CYP26A1: variants seen among roughly 807,000 people sequenced by gnomAD.
The protein encoded by CYP26A1 is cytochrome P450 26A1.
CYP26A1 carries 46 observed loss-of-function variants against 47.4 expected under a neutral mutation model. That is an observed-to-expected ratio of 0.97 (90% CI 0.77 to 1.24). The LOEUF is 1.24. Ranked by LOEUF, CYP26A1 falls within the 50% of genes most tolerant of loss-of-function variation. CYP26A1 has a pLI of 0.00. For missense variants in CYP26A1, 680 were observed against 644.4 expected, an observed-to-expected ratio of 1.06 and a Z score of -0.60; for synonymous variants, 277 against 263.7, an observed-to-expected ratio of 1.05 and a Z score of -0.49.
intron 5 of CYP26A1, 24 bp from the exon 6 acceptor site, chr10:93,076,519 CA>C (rs1227399366): frequency 6.4e-7 from 1 of 1,552,158 alleles, no homozygotes; most frequent in African/African-American, 1.4e-5. Context: ...AATAACTGTT[CA>C]CCTCTGTATG....
In CYP26A1 at chr10:93,077,778, G is replaced by C. The variant is rs1282957863; in HGVS notation, c.*474G>C. ...TAATTTAATTTTTTTTTGGTTTGCT[G>C]TACTTTAGGGAAAGATGAACCTGAA... On this transcript the variant is annotated 3_prime_UTR_variant, in exon 7 of 7. Transcript: ENST00000224356. 2 of 152,142 alleles carry C rather than the reference G, an allele frequency of 1.3e-5. No homozygotes were observed. The highest frequency in any genetic ancestry group is 3.9e-4 in the East Asian group (2 of 5,184). The allele number at this position is 152,142 out of a possible 1,614,324, so 9.4% of individuals were successfully genotyped here. A position where few individuals can be genotyped will look rare whatever the true frequency, so the allele number is the denominator to read the frequency against.
Position 93,077,019 on chromosome 10 carries a change from T to A in CYP26A1, c.1209T>A (p.Asp403Glu). 16 of 1,613,790 alleles carry A rather than the reference T, an allele frequency of 9.9e-6. No homozygotes were observed. Among genetic ancestry groups the A allele is most frequent in the Non-Finnish European group, 1.4e-5 (16 of 1,179,736 alleles). Reference protein sequence around the residue: ...NVIYSICDTHDVAEIFTNKEE... With the variant: ...NVIYSICDTHEVAEIFTNKEE... ...TCTACAGTATCTGTGATACTCATGA[T>A]GTGGCAGAGATCTTCACCAACAAGG... Residue 403 changes from aspartate (D) to glutamate (E), a missense_variant, in exon 7 of 7, where the codon GAT (aspartate) becomes GAA (glutamate). By Grantham distance (45) the Asp-to-Glu change is conservative. Transcript: ENST00000224356.
intron 5 of CYP26A1, chr10:93,076,298 G>C: frequency 2.2e-6 from 1 of 464,842 alleles, no homozygotes; most frequent in Non-Finnish European, 3.8e-6. Flanking sequence ...GTGGTGGTGA[G>C]TGTGGGGTGG....
In CYP26A1 at chr10:93,074,415, C is replaced by A; in HGVS notation, c.297C>A (p.Arg99=). 6.2e-7 allele frequency: 1 copy of A among 1,611,888 alleles called. No homozygotes were observed. Residue 99 remains arginine, a synonymous_variant, in exon 2 of 7, where the codon CGC becomes CGA. Transcript: ENST00000224356. This position sits in a 1 kb window ranked among gnomAD's most constrained non-coding sequence, Gnocchi z 5.3. ...TGATGGGCGCGGACAATGTGCGGCG[C>A]ATCTTGCTCGGAGAGCACCGGCTGG... ...VRVMGADNVR[R]ILLGEHRLVS...
rs200516628 is a variant in CYP26A1, at chr10:93,075,185, G to C, written c.742G>C (p.Glu248Gln). 63 of 1,613,696 alleles carry C rather than the reference G, an allele frequency of 3.9e-5. No homozygotes were observed. Among genetic ancestry groups the C allele is most frequent in the Non-Finnish European group, 4.7e-5 (56 of 1,179,972 alleles). Residue 248 changes from glutamate to glutamine, a missense_variant, in exon 4 of 7, where the codon GAG becomes CAG. Glu to Gln is a conservative substitution (Grantham distance 29). Coordinates refer to ENST00000224356, the MANE Select transcript of CYP26A1 (RefSeq NM_000783.4). ...GCGGAACCTCATTCACGCGCGCATC[G>C]AGCAGAACATTCGCGCCAAGATCTG... ...KARNLIHARIEQNIRAKICGL... is the reference protein window; with the variant it reads ...KARNLIHARIQQNIRAKICGL...
intron 3 of CYP26A1, 35 bp downstream of exon 3, chr10:93,075,104 C>T: frequency 1.2e-6 from 2 of 1,610,612 alleles, no homozygotes; most frequent in East Asian, 2.2e-5. Context: ...ACTAGGGGCG[C>T]GGGACCTGGG....
Position 93,075,809 on chromosome 10 carries a change from TCTCA to T in CYP26A1, c.865-13_865-10del. ...GCAGGCAGACTTGTGAGAATGTGGG[TCTCA>T]CTCTATTCTTAGGCACTAAAGCAAT... On this transcript the variant is annotated splice_polypyrimidine_tract_variant and intron_variant, in intron 4 of 6. Coordinates refer to ENST00000224356, the MANE Select transcript of CYP26A1 (RefSeq NM_000783.4). The T allele has an allele frequency of 1.2e-6, 2 of 1,603,230 alleles. No individual in the cohort carries two copies. The highest frequency in any genetic ancestry group is 2.7e-5 in the African/African-American group (2 of 74,812).
Position 93,074,993 on chromosome 10 carries a change from T to C in CYP26A1, c.629T>C (p.Leu210Pro), listed in dbSNP as rs765084489. The change falls in exon 3 of 7, where the codon CTT (leucine) becomes CCT (proline). Residue 210 changes from leucine (L) to proline (P), a missense_variant. Transcript: ENST00000224356. The surrounding 1 kb of genome is among the most constrained non-coding windows in gnomAD (Gnocchi z 5.3). ...GGCGACGGGGACTCCGAGCAGCAGC[T>C]TGTGGAGGCCTTCGAGGAAATGACC... ...LAGDGDSEQQ[L>P]VEAFEEMTRN... The C allele has an allele frequency of 1.2e-5, 19 of 1,613,084 alleles. No individual in the cohort carries two copies. The highest frequency in any genetic ancestry group is 1.5e-5 in the Non-Finnish European group (18 of 1,180,012).
In CYP26A1 at chr10:93,074,700, G is replaced by T. The variant is rs1289573331; in HGVS notation, c.415-79G>T. 1 of 1,275,846 alleles carries T rather than the reference G, an allele frequency of 7.8e-7. No individual in the cohort carries two copies. The highest frequency in any genetic ancestry group is 1.5e-5 in the African/African-American group (1 of 68,770). 79.0% of individuals were successfully genotyped at this position (1,275,846 alleles called of 1,614,324 possible). A position where few individuals can be genotyped will look rare whatever the true frequency, so the allele number is the denominator to read the frequency against. On this transcript the variant is annotated intron_variant, in intron 2 of 6. Coordinates refer to ENST00000224356, the MANE Select transcript of CYP26A1 (RefSeq NM_000783.4). The surrounding 1 kb of genome is among the most constrained non-coding windows in gnomAD (Gnocchi z 5.3). ...AGAGTGCCATGTGTCTGGCAGGACT[G>T]GGGGTGTCTGGAAGGGGACGGCGGT...
Position 93,074,948 on chromosome 10 carries a change from G to T in CYP26A1, c.584G>T (p.Gly195Val). ...MFRIAMRILLGCEPQLAGDGD... is the reference protein window; with the variant it reads ...MFRIAMRILLVCEPQLAGDGD... ...CGAATCGCCATGCGCATCCTACTGGGCTGCGAACCCCAACTGGCGGGCGAC... is the reference window on the plus strand; with the variant it reads ...CGAATCGCCATGCGCATCCTACTGGTCTGCGAACCCCAACTGGCGGGCGAC... Residue 195 changes from glycine to valine, a missense_variant, in exon 3 of 7, where the codon GGC becomes GTC. By Grantham distance (109) the Gly-to-Val change is moderately radical (BLOSUM62 -3). Coordinates refer to ENST00000224356, the MANE Select transcript of CYP26A1 (RefSeq NM_000783.4). The surrounding 1 kb of genome is among the most constrained non-coding windows in gnomAD (Gnocchi z 5.3). 6.2e-7 allele frequency: 1 copy of T among 1,613,308 alleles called. No homozygotes were observed. The highest frequency in any genetic ancestry group is 8.5e-7 in the Non-Finnish European group (1 of 1,180,030).
In CYP26A1 at chr10:93,077,122, G is replaced by A. The variant is rs750957354; in HGVS notation, c.1312G>A (p.Gly438Ser). The change falls in exon 7 of 7, where the codon GGC becomes AGC. Residue 438 changes from glycine to serine, a missense_variant. Physicochemically the swap from Gly to Ser is moderately conservative, Grantham distance 56. Transcript: ENST00000224356. ...GTTCAGCTTCATTCCATTTGGAGGA[G>A]GCCTTAGGAGCTGTGTAGGCAAAGA... is the stretch of plus-strand genomic sequence containing the variant. ...SRFSFIPFGG[G>S]LRSCVGKEFA... is the part of the protein sequence containing the mutation. The A allele has an allele frequency of 3.1e-6, 5 of 1,614,190 alleles. No individual in the cohort carries two copies. The South Asian group carries it at 3.3e-5, about 11-fold the overall frequency.
rs375080816 is a variant in CYP26A1, at chr10:93,074,027, C to T, written c.93C>T (p.Tyr31=). 4 of 1,606,432 alleles carry T rather than the reference C, an allele frequency of 2.5e-6. No homozygotes were observed. In the African/African-American group the frequency reaches 5.4e-5, roughly 21 times the overall value. The change falls in exon 1 of 7, where the codon TAC becomes TAT. Residue 31 remains tyrosine (Y), a synonymous_variant. Coordinates refer to ENST00000224356, the MANE Select transcript of CYP26A1 (RefSeq NM_000783.4). The surrounding 1 kb of genome is among the most constrained non-coding windows in gnomAD (Gnocchi z 5.3). ...CTGCGATCAAGCTCTGGGACCTGTA[C>T]TGCGTGAGCGGCCGCGACCGCAGTT... ...FLAAIKLWDL[Y]CVSGRDRSCA...
At position 93,074,913 on chromosome 10, in the gene CYP26A1, C is replaced by A. The variant is rs199767327; in HGVS notation, c.549C>A (p.Arg183=). ...RGLLVYPEVK[R]LMFRIAMRIL... ...TCCTGGTCTACCCCGAGGTGAAGCG[C>A]CTCATGTTCCGAATCGCCATGCGCA... The change falls in exon 3 of 7, where the codon CGC becomes CGA. Residue 183 remains arginine (R), a synonymous_variant. Transcript: ENST00000224356. This position sits in a 1 kb window ranked among gnomAD's most constrained non-coding sequence, Gnocchi z 5.3. The A allele has an allele frequency of 3.1e-6, 5 of 1,613,242 alleles. No individual in the cohort carries two copies. Among genetic ancestry groups the A allele is most frequent in the Middle Eastern group, 1.6e-4 (1 of 6,062 alleles).
chr10:93,075,123 C>G, intron 3 of CYP26A1, 26 bp from the exon 4 acceptor site: 1 of 1,611,158 alleles, frequency 6.2e-7, no homozygotes, highest in Non-Finnish European at 8.5e-7. Context: ...GGCGTCTGCT[C>G]ACCGCCGCGC....
chr10:93,077,490 G>T lies in CYP26A1; in HGVS notation c.*186G>T. ...ATCATTTCCAAATAAAGTAAAATTT[G>T]AAGGTACTTTTCTGGTATTTTAAGA... On this transcript the variant is annotated 3_prime_UTR_variant, in exon 7 of 7. Coordinates refer to ENST00000224356, the MANE Select transcript of CYP26A1 (RefSeq NM_000783.4). 1 of 371,376 alleles carries T rather than the reference G, an allele frequency of 2.7e-6. No homozygotes were observed. 23.0% of individuals were successfully genotyped at this position (371,376 alleles called of 1,614,324 possible).
Position 93,074,028 on chromosome 10 carries a change from T to A in CYP26A1, c.94T>A (p.Cys32Ser). 2 of 1,603,940 alleles carry A rather than the reference T, an allele frequency of 1.2e-6. No individual in the cohort carries two copies. The highest frequency in any genetic ancestry group is 3.3e-5 in the Admixed American group (2 of 59,796). ...TGCGATCAAGCTCTGGGACCTGTACTGCGTGAGCGGCCGCGACCGCAGTTG... is the reference window on the plus strand; with the variant it reads ...TGCGATCAAGCTCTGGGACCTGTACAGCGTGAGCGGCCGCGACCGCAGTTG... ...LAAIKLWDLY[C>S]VSGRDRSCAL... The change falls in exon 1 of 7, where the codon TGC becomes AGC. Residue 32 changes from cysteine (C) to serine (S), a missense_variant. By Grantham distance (112) the Cys-to-Ser change is moderately radical (BLOSUM62 -1). Transcript: ENST00000224356. This position sits in a 1 kb window ranked among gnomAD's most constrained non-coding sequence, Gnocchi z 5.3.
Position 93,074,147 on chromosome 10 carries a change from G to C in CYP26A1, c.189+24G>C, listed in dbSNP as rs1846935039. On this transcript the variant is annotated intron_variant, in intron 1 of 6. Transcript: ENST00000224356. This position sits in a 1 kb window ranked among gnomAD's most constrained non-coding sequence, Gnocchi z 5.3. ...AGGTAAGGGAGGGTGGGGCGGGACA[G>C]GCTGCTTCCCCGGAGCCCGGCGCGG... 6.5e-7 allele frequency: 1 copy of C among 1,529,012 alleles called. No individual in the cohort carries two copies. Among genetic ancestry groups the C allele is most frequent in the Admixed American group, 2.0e-5 (1 of 49,936 alleles). 94.7% of individuals were successfully genotyped at this position (1,529,012 alleles called of 1,614,324 possible). A position where few individuals can be genotyped will look rare whatever the true frequency, so the allele number is the denominator to read the frequency against.
Position 93,074,080 on chromosome 10 carries a change from T to C in CYP26A1, c.146T>C (p.Met49Thr), listed in dbSNP as rs1374660386. 1.5e-6 allele frequency: 2 copies of C among 1,327,148 alleles called. No individual in the cohort carries two copies. Among genetic ancestry groups the C allele is most frequent in the East Asian group, 5.1e-5 (1 of 19,548 alleles). 82.2% of individuals were successfully genotyped at this position (1,327,148 alleles called of 1,614,324 possible). A position where few individuals can be genotyped will look rare whatever the true frequency, so the allele number is the denominator to read the frequency against. Residue 49 changes from methionine (M) to threonine (T), a missense_variant, in exon 1 of 7, where the codon ATG (methionine) becomes ACG (threonine). Transcript: ENST00000224356. This position sits in a 1 kb window ranked among gnomAD's most constrained non-coding sequence, Gnocchi z 5.3. ...SCALPLPPGTMGFPFFGETLQ... is the reference protein window; with the variant it reads ...SCALPLPPGTTGFPFFGETLQ... ...GCCCTCCCATTGCCCCCCGGGACTA[T>C]GGGCTTCCCCTTCTTTGGGGAAACC...
In CYP26A1 at chr10:93,077,208, G is replaced by A. The variant is rs1316306832; in HGVS notation, c.1398G>A (p.Gln466=). ...TVELARHCDW[Q]LLNGPPTMKT... The stretch of plus-strand genomic sequence containing the variant: ...AGCTGGCCAGGCATTGTGACTGGCA[G>A]CTTCTAAATGGACCTCCTACAATGA... The change falls in exon 7 of 7, where the codon CAG becomes CAA. Residue 466 remains glutamine, a synonymous_variant. Coordinates refer to ENST00000224356, the MANE Select transcript of CYP26A1 (RefSeq NM_000783.4). The A allele has an allele frequency of 1.2e-6, 2 of 1,610,300 alleles. No individual in the cohort carries two copies. The highest frequency in any genetic ancestry group is 1.7e-6 in the Non-Finnish European group (2 of 1,177,060).
Sources: allele counts gnomAD v4.1 joint callset, GRCh38; gene constraint gnomAD v4.1.1; non-coding constraint Gnocchi (gnomAD v3.1); transcripts MANE v1.5; gene names NCBI Gene and HGNC (gene_info 2026-07-23, HGNC 2026-07-21).